CCDC192: variants seen among roughly 807,000 people sequenced by gnomAD.
CCDC192 encodes the protein coiled-coil domain-containing protein 192.
At chr5:127,720,814 C>T (rs940204919) in intron 2 of CCDC192, among the ~76,000 whole-genome samples, 1 of 152,334 alleles carries the variant, frequency 6.6e-6, no homozygotes. Context: ...AACTTGTACC[C>T]TCTGAAACAA....
intron 6 of CCDC192, among the ~76,000 whole-genome samples, chr5:127,929,854 A>G (rs866980835): frequency 2.0e-5 from 3 of 152,206 alleles, no homozygotes; most frequent in African/African-American, 4.8e-5. Context: ...GTGCACCACC[A>G]GGAAGAAAAA....
intron 2 of CCDC192, among the ~76,000 whole-genome samples, chr5:127,744,110 G>GA (rs1753600394): frequency 8.2e-6 from 1 of 121,768 alleles, no homozygotes; most frequent in African/African-American, 2.8e-5. Flanking sequence ...AAAAAAAAAA[G>GA]GAAAAAAAAA....
At chr5:127,873,867 T>C (rs1318087801) in intron 5 of CCDC192, among the ~76,000 whole-genome samples, 6 of 152,194 alleles carry the variant, frequency 3.9e-5, no homozygotes, top group South Asian at 2.1e-4. Flanking sequence ...CAGAGGTATA[T>C]ATTAAAATGC....
At chr5:127,861,467 C>T (rs376948704) in intron 5 of CCDC192, among the ~76,000 whole-genome samples, 1 of 151,432 alleles carries the variant, frequency 6.6e-6, no homozygotes, top group African/African-American at 2.4e-5. Context: ...CCAGCCCAGC[C>T]AACATAGCAA....
At position 127,896,867 on chromosome 5, in the gene CCDC192, T is replaced by A. The variant is rs137879278; in HGVS notation, c.535+21206T>A. Among the ~76,000 whole-genome samples, 613 of 152,318 alleles carry A rather than the reference T, an allele frequency of 4.0e-3. 4 individuals carry two copies. The highest frequency in any genetic ancestry group is 0.014 in the African/African-American group (573 of 41,574). On this transcript the variant is annotated intron_variant, in intron 6 of 6. Coordinates refer to ENST00000514853, the MANE Select transcript of CCDC192 (RefSeq NM_001317938.2). ...TAAATATAATTGCTCAATCAGAATG[T>A]TTTTATAATGGTGACTAGGTTACTA... is the stretch of plus-strand genomic sequence containing the variant.
intron 2 of CCDC192, among the ~76,000 whole-genome samples, chr5:127,712,195 G>T (rs1413231412): frequency 6.6e-6 from 1 of 152,144 alleles, no homozygotes. Context: ...TTTTATTGCA[G>T]AATAGTTTCC....
intron 5 of CCDC192, among the ~76,000 whole-genome samples, chr5:127,830,816 C>T (rs1050206114): frequency 6.7e-6 from 1 of 149,724 alleles, no homozygotes; most frequent in Middle Eastern, 3.2e-3. Context: ...TTATAATCTA[C>T]AAATGAACTA....
intron 6 of CCDC192, among the ~76,000 whole-genome samples, chr5:127,930,045 A>C (rs946900154): frequency 1.8e-4 from 28 of 152,134 alleles, no homozygotes; most frequent in African/African-American, 6.5e-4. Context: ...CTCTACTAAA[A>C]ATACAAAGTT....
In CCDC192 at chr5:127,747,353, G is replaced by A. The variant is rs547432213; in HGVS notation, c.115-6915G>A. ...TTCCCACCTATGAGTGAGAATATGCGGTGTTTGGTTTTTTGTCCTTGTGAT... is the reference window on the plus strand; with the variant it reads ...TTCCCACCTATGAGTGAGAATATGCAGTGTTTGGTTTTTTGTCCTTGTGAT... On this transcript the variant is annotated intron_variant, in intron 2 of 6. Coordinates refer to ENST00000514853, the MANE Select transcript of CCDC192 (RefSeq NM_001317938.2). 7.0e-3 allele frequency among the ~76,000 whole-genome samples: 1,069 copies of A among 151,830 alleles called. 15 individuals are homozygous for A. Among genetic ancestry groups the A allele is most frequent in the African/African-American group, 0.024 (1,005 of 41,360 alleles).
intron 6 of CCDC192, among the ~76,000 whole-genome samples, chr5:127,899,576 AAAAT>A (rs1157609855): frequency 6.6e-6 from 1 of 151,916 alleles, no homozygotes; most frequent in African/African-American, 2.4e-5. Flanking sequence ...AAAAAAAAAA[AAAAT>A]TTGATTTGAT....
At chr5:127,843,979 GT>G (rs1204011798) in intron 5 of CCDC192, among the ~76,000 whole-genome samples, 1 of 152,162 alleles carries the variant, frequency 6.6e-6, no homozygotes, top group Non-Finnish European at 1.5e-5. Context: ...GCATTCCTGG[GT>G]TATCAGACAT....
chr5:127,780,746 G>A (rs1052094831), intron 3 of CCDC192, among the ~76,000 whole-genome samples: 2 of 152,152 alleles, frequency 1.3e-5, no homozygotes, highest in African/African-American at 2.4e-5. Flanking sequence ...TGTATAGATT[G>A]TGAAGATTTT....
At chr5:127,842,126 C>A (rs918275235) in intron 5 of CCDC192, among the ~76,000 whole-genome samples, 11 of 152,240 alleles carry the variant, frequency 7.2e-5, no homozygotes, top group Admixed American at 7.2e-4. Context: ...GGCATGCATT[C>A]CCTGCAGTGC....
At chr5:127,703,878 G>C (rs1286593815) in intron 1 of CCDC192, among the ~76,000 whole-genome samples, 1 of 152,148 alleles carries the variant, frequency 6.6e-6, no homozygotes, top group Non-Finnish European at 1.5e-5. Context: ...CTCTTGCCAA[G>C]AGATGCACAC....
rs148452998 is a variant in CCDC192 at position 127,846,616 on chromosome 5, C to T, written c.412-28922C>T. Among the ~76,000 whole-genome samples the T allele has an allele frequency of 7.3e-3, 1,114 of 151,882 alleles. 6 individuals carry two copies. Among genetic ancestry groups the T allele is most frequent in the African/African-American group, 0.026 (1,063 of 41,418 alleles). ...TCCCGAGCAGCTGGGATTACAGGCG[C>T]TCACCACCACGCCCGGTTAATTTTT... is the stretch of plus-strand genomic sequence containing the variant. On this transcript the variant is annotated intron_variant, in intron 5 of 6. Transcript: ENST00000514853.
In CCDC192 at chr5:127,815,644, G is replaced by A. The variant is rs546834806; in HGVS notation, c.411+17482G>A. On this transcript the variant is annotated intron_variant, in intron 5 of 6. Transcript: ENST00000514853. ...AGCACTTTGGGAGGCTGAGACGGGTGGGTCACGAGGTCAGGAGATCAAAAC... is the reference window on the plus strand; with the variant it reads ...AGCACTTTGGGAGGCTGAGACGGGTAGGTCACGAGGTCAGGAGATCAAAAC... Among the ~76,000 whole-genome samples, 6 of 152,188 alleles carry A rather than the reference G, an allele frequency of 3.9e-5. No individual in the cohort carries two copies. In the South Asian group the frequency reaches 1.2e-3, roughly 32 times the overall value.
chr5:127,739,524 C>G (rs1403774351), intron 2 of CCDC192: 2 of 162,332 alleles, frequency 1.2e-5, no homozygotes, highest in Non-Finnish European at 2.6e-5. Context: ...CGCCCCTCCC[C>G]CAGCCTCGCT....
chr5:127,781,644 C>G (rs1756231388), intron 3 of CCDC192, among the ~76,000 whole-genome samples: 1 of 149,210 alleles, frequency 6.7e-6, no homozygotes, highest in South Asian at 2.1e-4. Flanking sequence ...CACTTGGTTG[C>G]TGTTGGTGTA....
intron 5 of CCDC192, among the ~76,000 whole-genome samples, chr5:127,800,397 A>AAAAAAAAAAAAAAAAAAAAAAAAAG (rs1757434909): frequency 7.2e-6 from 1 of 137,992 alleles, no homozygotes; most frequent in Admixed American, 7.3e-5. Flanking sequence ...AAAAAAAAAA[A>AAAAAAAAAAAAAAAAAAAAAAAAAG]AAAACAACAA....
Sources: gnomAD v4.1 joint callset for allele counts (sites outside exome capture counted in the v4.1 genomes callset) on GRCh38, gnomAD v4.1.1 for gene constraint, MANE v1.5 for transcripts, NCBI Gene and HGNC (gene_info 2026-07-23, HGNC 2026-07-21) for gene names.